The following FSTL4 variants were observed in gnomAD, a reference collection of about 807,000 sequenced individuals.
The protein encoded by FSTL4 is follistatin-related protein 4.
In FSTL4, 28 loss-of-function variants were observed where a neutral mutation model predicts 78.2. The ratio of observed to expected loss-of-function variants is 0.36; its 90% CI spans 0.27 to 0.49. The LOEUF (loss-of-function observed/expected upper bound fraction) is 0.49, where lower values mean the gene tolerates loss of function less well. Among genes scored for constraint, FSTL4 ranks in the 20% least tolerant of loss-of-function variants. The probability of loss-of-function intolerance (pLI) is 0.98; values close to 1 mark genes in which losing one functional copy is unlikely to be tolerated. For synonymous variants in FSTL4, 422 were observed against 440.5 expected (o/e 0.96, Z 0.53); for missense variants, 922 against 1,084.9 (o/e 0.85, Z 2.11).
chr5:133,503,011 A>G (rs747735440), intron 3 of FSTL4, among the ~76,000 whole-genome samples: 10 of 152,194 alleles, frequency 6.6e-5, no homozygotes, highest in Non-Finnish European at 1.2e-4. Context: ...TTAAGTTGCT[A>G]TGTTTGTGGT....
At chr5:133,716,394 T>TAG in the FSTL4 span, among the ~76,000 whole-genome samples, 2 of 149,354 alleles carry the variant, frequency 1.3e-5, no homozygotes, top group Non-Finnish European at 3.0e-5. Context: ...AATATATATA[T>TAG]ATATATTCTT....
At chr5:133,782,069 C>A in the FSTL4 span, among the ~76,000 whole-genome samples, 1 of 152,182 alleles carries the variant, frequency 6.6e-6, no homozygotes, top group East Asian at 1.9e-4. Context: ...ATTTACCCAC[C>A]CCCACTGCTT....
intron 3 of FSTL4, among the ~76,000 whole-genome samples, chr5:133,484,383 T>G (rs557255542): frequency 6.6e-6 from 1 of 152,290 alleles, no homozygotes; most frequent in African/African-American, 2.4e-5. Flanking sequence ...CTTCACTCGG[T>G]TTTCTTAAAC....
At chr5:133,679,773 C>G in the FSTL4 span, among the ~76,000 whole-genome samples, 19 of 152,066 alleles carry the variant, frequency 1.2e-4, no homozygotes, top group Non-Finnish European at 2.4e-4. Flanking sequence ...CCTGCTTGTT[C>G]CTTAGTCTTC....
intron 4 of FSTL4, among the ~76,000 whole-genome samples, chr5:133,333,827 TG>T (rs1754402924): frequency 6.6e-6 from 1 of 152,212 alleles, no homozygotes; most frequent in South Asian, 2.1e-4. Flanking sequence ...AAAGGAAATC[TG>T]GAAAGATCTA....
In FSTL4 at chr5:133,236,132, G is replaced by A. The variant is rs1013721046; in HGVS notation, c.895-2595C>T. Among the ~76,000 whole-genome samples, 3 of 152,106 alleles carry A rather than the reference G, an allele frequency of 2.0e-5. No individual in the cohort carries two copies. Among genetic ancestry groups the A allele is most frequent in the Admixed American group, 2.0e-4 (3 of 15,282 alleles). On this transcript the variant is annotated intron_variant, in intron 7 of 15. Coordinates refer to ENST00000265342, the MANE Select transcript of FSTL4 (RefSeq NM_015082.2). The surrounding 1 kb of genome is among the most constrained non-coding windows in gnomAD (Gnocchi z 5.0). ...CCTGCTGGCATTTTCCCTCCAAACT[G>A]CCTTCCTGAGCCTTCACATCCACAG...
At chr5:133,223,240 C>T (rs1047801201) in intron 11 of FSTL4, among the ~76,000 whole-genome samples, 4 of 152,236 alleles carry the variant, frequency 2.6e-5, no homozygotes, top group African/African-American at 9.6e-5. Flanking sequence ...AGCAGTTCCT[C>T]GTTTTCTGGG....
At chr5:133,475,711 G>A (rs1010179651) in intron 3 of FSTL4, among the ~76,000 whole-genome samples, 13 of 152,154 alleles carry the variant, frequency 8.5e-5, no homozygotes, top group African/African-American at 2.7e-4. Flanking sequence ...TAGGCAAGTC[G>A]GAATTATCGG....
the FSTL4 span, among the ~76,000 whole-genome samples, chr5:133,754,167 G>A: frequency 6.6e-6 from 1 of 152,184 alleles, no homozygotes; most frequent in Non-Finnish European, 1.5e-5. Flanking sequence ...TCCAACTCTA[G>A]ACAAGAGAGC....
upstream of FSTL4, among the ~76,000 whole-genome samples, chr5:133,616,378 T>A (rs2112991644): frequency 6.6e-6 from 1 of 151,888 alleles, no homozygotes; most frequent in East Asian, 1.9e-4. Context: ...AACTGCTACC[T>A]TAGGGAGCTT....
At chr5:133,302,470 C>T (rs1753566196) in intron 6 of FSTL4, among the ~76,000 whole-genome samples, 1 of 152,112 alleles carries the variant, frequency 6.6e-6, no homozygotes, top group Admixed American at 6.6e-5. Context: ...CATTTTAATC[C>T]CACTCTACCT....
intron 3 of FSTL4, among the ~76,000 whole-genome samples, chr5:133,544,250 A>C (rs766494844): frequency 5.9e-5 from 9 of 152,270 alleles, no homozygotes; most frequent in Non-Finnish European, 2.9e-5. Flanking sequence ...TATATCTTAG[A>C]CTTTCCATTC....
the FSTL4 span, among the ~76,000 whole-genome samples, chr5:133,759,302 A>G: frequency 9.9e-5 from 15 of 152,220 alleles, no homozygotes; most frequent in African/African-American, 3.6e-4. Flanking sequence ...CCAATACTCA[A>G]TGGTGGAGGT....
chr5:133,636,277 G>A, the FSTL4 span, among the ~76,000 whole-genome samples: 1 of 152,182 alleles, frequency 6.6e-6, no homozygotes, highest in African/African-American at 2.4e-5. Context: ...ATCTGCCACA[G>A]TGAAACTCAG....
At chr5:133,510,344 C>T (rs2112886813) in intron 3 of FSTL4, among the ~76,000 whole-genome samples, 1 of 152,302 alleles carries the variant, frequency 6.6e-6, no homozygotes, top group East Asian at 1.9e-4. Context: ...CCCCAAAAGA[C>T]CATGTGGTAA....
intron 11 of FSTL4, 130 bp downstream of exon 11, chr5:133,224,060 G>A: frequency 6.3e-6 from 4 of 631,304 alleles, no homozygotes; most frequent in Non-Finnish European, 5.6e-6. Context: ...ACTTGAATTT[G>A]ACATTGACTT....
intron 5 of FSTL4, 114 bp downstream of exon 5, chr5:133,316,345 T>C: frequency 1.3e-6 from 1 of 751,124 alleles, no homozygotes. Flanking sequence ...TCATTTTGTT[T>C]GTGAGATGTT....
chr5:133,324,266 C>A (rs11739164), intron 4 of FSTL4, among the ~76,000 whole-genome samples: 8,180 of 152,134 alleles, frequency 0.054, 251 homozygotes, highest in African/African-American at 0.082. Flanking sequence ...GGGAGGGAGG[C>A]GTTGTGTAAT....
chr5:133,666,412 T>C, the FSTL4 span, among the ~76,000 whole-genome samples: 1 of 152,212 alleles, frequency 6.6e-6, no homozygotes, highest in South Asian at 2.1e-4. Flanking sequence ...TGTTCCCTAT[T>C]CCCTGAAAAG....
Sources: allele counts gnomAD v4.1 joint callset (sites outside exome capture counted in the v4.1 genomes callset), GRCh38; gene constraint gnomAD v4.1.1; non-coding constraint Gnocchi (gnomAD v3.1); transcripts MANE v1.5; gene names NCBI Gene and HGNC (gene_info 2026-07-23, HGNC 2026-07-21).